The following HYDIN variants were observed in gnomAD, a reference collection of about 807,000 sequenced individuals.
HYDIN encodes axonemal central pair apparatus protein HYDIN.
Under a neutral mutation model 403.9 loss-of-function variants are expected in HYDIN, and 132 were observed. The observed-to-expected ratio is 0.33, with a 90% CI of 0.28 to 0.38. The LOEUF is 0.38. Among genes scored for constraint, HYDIN ranks in the 10% least tolerant of loss-of-function variants. The pLI, the probability that HYDIN is intolerant of heterozygous loss-of-function variation, is 1.00. For missense variants in HYDIN, 2,827 were observed against 5,009.5 expected (o/e 0.56, Z 13.15); for synonymous variants, 1,202 against 1,891.7 (o/e 0.64, Z 9.46).
At chr16:70,931,210 GTTTTTTTTTTTTT>G (rs71387550) in intron 45 of HYDIN, among the ~76,000 whole-genome samples, 1 of 59,464 alleles carries the variant, frequency 1.7e-5, no homozygotes, top group African/African-American at 6.5e-5. Context: ...TCTTTCTTCT[GTTTTTTTTTTTTT>G]TTTTTTTTTT....
chr16:70,811,065 C>A (rs963203326), intron 84 of HYDIN, among the ~76,000 whole-genome samples: 1 of 152,100 alleles, frequency 6.6e-6, no homozygotes, highest in Admixed American at 6.5e-5. Context: ...TTTTCAATTT[C>A]ATATACTTTT....
intron 1 of HYDIN, among the ~76,000 whole-genome samples, chr16:71,203,486 A>G (rs886983200): frequency 1.3e-5 from 2 of 152,224 alleles, no homozygotes; most frequent in Admixed American, 1.3e-4. Flanking sequence ...CAAGCAAGTT[A>G]AAAATGCCTC....
Position 71,227,632 on chromosome 16 carries a change from G to C in HYDIN, c.-24+2930C>G, listed in dbSNP as rs575634829. Among the ~76,000 whole-genome samples, 524 of 152,284 alleles carry C rather than the reference G, an allele frequency of 3.4e-3. 2 individuals are homozygous for C. Among genetic ancestry groups the C allele is most frequent in the Non-Finnish European group, 6.3e-3 (427 of 68,028 alleles). ...GGGATGTGAAGGAACTCTTCAAGGA[G>C]AAGTACAAACCACTGCTCAACGAAA... On this transcript the variant is annotated intron_variant, in intron 1 of 85. Transcript: ENST00000393567.
intron 29 of HYDIN, among the ~76,000 whole-genome samples, chr16:70,979,571 G>A (rs1448020175): frequency 3.3e-5 from 5 of 152,166 alleles, no homozygotes; most frequent in East Asian, 1.9e-4. Context: ...ATTCCCACCC[G>A]AATTTACCAC....
intron 6 of HYDIN, among the ~76,000 whole-genome samples, chr16:71,157,396 C>G (rs1327637672): frequency 6.6e-6 from 1 of 152,158 alleles, no homozygotes; most frequent in Non-Finnish European, 1.5e-5. Flanking sequence ...TCTACCATGT[C>G]TATTAACAAC....
intron 17 of HYDIN, among the ~76,000 whole-genome samples, chr16:71,061,699 T>G (rs1242164855): frequency 6.6e-6 from 1 of 151,886 alleles, no homozygotes; most frequent in Non-Finnish European, 1.5e-5. Context: ...TCTCCCAGCC[T>G]ACAGGTGACA....
At position 71,184,919 on chromosome 16, in the gene HYDIN, C is replaced by A; in HGVS notation, c.207G>T (p.Met69Ile). The change falls in exon 3 of 86, where the codon ATG becomes ATT. Residue 69 changes from methionine to isoleucine, a missense_variant. Physicochemically the swap from Met to Ile is conservative, Grantham distance 10 (BLOSUM62 1). Transcript: ENST00000393567. ...AGAGTTCGATGATCTGTGGTCGGCACATCAAACGTGTTTTTGCCAGTCTCT... is the reference window on the plus strand; with the variant it reads ...AGAGTTCGATGATCTGTGGTCGGCAAATCAAACGTGTTTTTGCCAGTCTCT... ...TEQRLAKTRL[M>I]CRPQIIELLD... 6.2e-7 allele frequency: 1 copy of A among 1,610,920 alleles called. No individual in the cohort carries two copies. Among genetic ancestry groups the A allele is most frequent in the Non-Finnish European group, 8.5e-7 (1 of 1,177,868 alleles).
chr16:70,807,501 A>G lies in HYDIN; in HGVS notation c.*79T>C, dbSNP rs1036899131. 2.6e-5 allele frequency: 38 copies of G among 1,457,534 alleles called. No individual in the cohort carries two copies. In the Middle Eastern group the frequency reaches 5.6e-4, roughly 21 times the overall value. The allele number at this position is 1,457,534 out of a possible 1,614,324, so 90.3% of individuals were successfully genotyped here. ...GAAGAATAAAAACAGTTCCTTTAGA[A>G]TTCTTATTGTTTTCTCTATTCTTTT... On this transcript the variant is annotated 3_prime_UTR_variant, in exon 86 of 86. Coordinates refer to ENST00000393567, the MANE Select transcript of HYDIN (RefSeq NM_001270974.2).
At chr16:71,165,040 G>A (rs1260699056) in intron 5 of HYDIN, among the ~76,000 whole-genome samples, 3 of 151,836 alleles carry the variant, frequency 2.0e-5, no homozygotes, top group Non-Finnish European at 4.4e-5. Flanking sequence ...TAGCCACTCC[G>A]ATCTTTCCCA....
At chr16:71,208,169 A>G (rs2088397432) in intron 1 of HYDIN, among the ~76,000 whole-genome samples, 2 of 152,202 alleles carry the variant, frequency 1.3e-5, no homozygotes, top group African/African-American at 4.8e-5. Context: ...GCAATCTGAC[A>G]TAAAACAATC....
chr16:70,998,953 A>G (rs950782174), intron 23 of HYDIN, among the ~76,000 whole-genome samples: 2 of 152,172 alleles, frequency 1.3e-5, no homozygotes, highest in African/African-American at 4.8e-5. Flanking sequence ...CCAACTAAAG[A>G]CATGTCTCTA....
At chr16:71,050,045 G>GGT (rs375649829) in intron 18 of HYDIN, among the ~76,000 whole-genome samples, 25 of 138,592 alleles carry the variant, frequency 1.8e-4, no homozygotes, top group East Asian at 2.0e-4. Context: ...TGTGTGTGTG[G>GGT]GTGTGTGTGT....
chr16:71,182,792 G>A (rs1355588706), intron 3 of HYDIN, among the ~76,000 whole-genome samples: 1 of 152,100 alleles, frequency 6.6e-6, no homozygotes, highest in African/African-American at 2.4e-5. Flanking sequence ...AGTCACCTAA[G>A]TTGTGAGTTC....
chr16:70,865,465 T>C (rs2039691137), intron 67 of HYDIN: 1 of 398,142 alleles, frequency 2.5e-6, no homozygotes, highest in Admixed American at 3.1e-5. Flanking sequence ...AGTCCCTGTG[T>C]CTGAATGTGG....
At chr16:71,124,421 T>C (rs532157435) in intron 9 of HYDIN, among the ~76,000 whole-genome samples, 1 of 152,284 alleles carries the variant, frequency 6.6e-6, no homozygotes, top group South Asian at 2.1e-4. Flanking sequence ...TCTTGGCAAC[T>C]TAGGGACAGG....
chr16:70,926,008 T>G (rs2077141603), intron 45 of HYDIN, among the ~76,000 whole-genome samples: 1 of 150,732 alleles, frequency 6.6e-6, no homozygotes, highest in African/African-American at 2.4e-5. Flanking sequence ...TTTACACTGT[T>G]GGTGGGACTG....
chr16:71,170,896 C>A (rs560539041), intron 5 of HYDIN, among the ~76,000 whole-genome samples: 1 of 152,048 alleles, frequency 6.6e-6, no homozygotes, highest in African/African-American at 2.4e-5. Context: ...ACTGGTCATG[C>A]GCTGAGATTT....
Position 71,130,613 on chromosome 16 carries a change from G to A in HYDIN, c.1044-790C>T, listed in dbSNP as rs1250582618. ...CGCCATTCTCCTGCCTCAGCCTCCCGAGTAGCTGGGACTACAGGCGCCCGC... is the reference window on the plus strand; with the variant it reads ...CGCCATTCTCCTGCCTCAGCCTCCCAAGTAGCTGGGACTACAGGCGCCCGC... On this transcript the variant is annotated intron_variant, in intron 8 of 85. Coordinates refer to ENST00000393567, the MANE Select transcript of HYDIN (RefSeq NM_001270974.2). Among the ~76,000 whole-genome samples, 395 of 147,760 alleles carry A rather than the reference G, an allele frequency of 2.7e-3. 6 individuals carry two copies. Among genetic ancestry groups the A allele is most frequent in the African/African-American group, 9.6e-3 (387 of 40,510 alleles).
chr16:70,891,184 A>T (rs201045197), intron 57 of HYDIN, among the ~76,000 whole-genome samples: 1,689 of 152,126 alleles, frequency 0.011, 18 homozygotes, highest in Middle Eastern at 0.085. Flanking sequence ...TTAAAAAAAA[A>T]TTTTTTTATT....
Sources: allele counts gnomAD v4.1 joint callset (sites outside exome capture counted in the v4.1 genomes callset), GRCh38; gene constraint gnomAD v4.1.1; transcripts MANE v1.5; gene names NCBI Gene and HGNC (gene_info 2026-07-23, HGNC 2026-07-21).